Variants in DLGAP2 observed in about 807,000 individuals in gnomAD.
DLGAP2 encodes disks large-associated protein 2.
DLGAP2 carries 26 observed loss-of-function variants against 100.3 expected under a neutral mutation model. The observed-to-expected ratio is 0.26, with a 90% CI of 0.19 to 0.36. The LOEUF (loss-of-function observed/expected upper bound fraction) is 0.36, where lower values mean the gene tolerates loss of function less well. Among genes scored for constraint, DLGAP2 ranks in the 10% least tolerant of loss-of-function variants. The pLI, the probability that DLGAP2 is intolerant of heterozygous loss-of-function variation, is 1.00. For synonymous variants in DLGAP2, 886 were observed against 630.1 expected (o/e 1.41, Z -6.08); for missense variants, 1,858 against 1,453.2 (o/e 1.28, Z -4.53).
At chr8:1,508,786 G>A (rs1463438810) in intron 4 of DLGAP2, among the ~76,000 whole-genome samples, 2 of 151,674 alleles carry the variant, frequency 1.3e-5, no homozygotes, top group South Asian at 4.2e-4. Context: ...GCAGGCAAAT[G>A]AGTGCGGACT....
intron 2 of DLGAP2, among the ~76,000 whole-genome samples, chr8:1,218,277 A>G (rs1181588760): frequency 6.6e-6 from 1 of 152,172 alleles, no homozygotes; most frequent in Non-Finnish European, 1.5e-5. Context: ...TGGTAAAAGG[A>G]AGTGGCCCAG....
chr8:957,222 C>T (rs1352617224), intron 2 of DLGAP2, among the ~76,000 whole-genome samples: 3 of 152,330 alleles, frequency 2.0e-5, no homozygotes, highest in African/African-American at 7.2e-5. Context: ...CCTTTGAAGG[C>T]AGGGTCAGTG....
chr8:1,635,934 C>T (rs1308221302), intron 8 of DLGAP2, among the ~76,000 whole-genome samples: 1 of 152,168 alleles, frequency 6.6e-6, no homozygotes, highest in Non-Finnish European at 1.5e-5. Flanking sequence ...CTGAGACAGA[C>T]CCTTTTAATC....
At chr8:1,663,676 T>C (rs1191241994) in intron 8 of DLGAP2, among the ~76,000 whole-genome samples, 1 of 152,170 alleles carries the variant, frequency 6.6e-6, no homozygotes, top group Non-Finnish European at 1.5e-5. Context: ...AGGTTTGGTC[T>C]GACAGCTGTG....
At chr8:1,215,066 C>T (rs558024084) in intron 2 of DLGAP2, among the ~76,000 whole-genome samples, 37 of 152,158 alleles carry the variant, frequency 2.4e-4, no homozygotes, top group Non-Finnish European at 4.6e-4. Flanking sequence ...GGAAAATCAA[C>T]GTCATCCATG....
rs117617939 is a variant in DLGAP2, at chr8:1,424,121, G to C, written c.107-77245G>C. On this transcript the variant is annotated intron_variant, in intron 3 of 14. Transcript: ENST00000637795. Reference sequence around the variant, plus strand: ...CATGAAGGTCCTTGTGAACTAAAGCGGGCTCCACATGGGTGAAGGAACACA... The same window carrying C: ...CATGAAGGTCCTTGTGAACTAAAGCCGGCTCCACATGGGTGAAGGAACACA... Among the ~76,000 whole-genome samples the C allele has an allele frequency of 1.0e-3, 159 of 152,330 alleles. 1 individual carries two copies. In the East Asian group the frequency reaches 0.016, roughly 16 times the overall value.
Position 841,778 on chromosome 8 carries a change from G to A in DLGAP2, c.19-66134G>A, listed in dbSNP as rs531484562. Among the ~76,000 whole-genome samples, 10 of 152,256 alleles carry A rather than the reference G, an allele frequency of 6.6e-5. No individual in the cohort carries two copies. In the South Asian group the frequency reaches 2.1e-3, roughly 32 times the overall value. The stretch of plus-strand genomic sequence containing the variant: ...AGTTTTTGAAGACTAACCGTCACAT[G>A]AATTAATACTGATACTTCCAATTTG... On this transcript the variant is annotated intron_variant, in intron 1 of 14. Transcript: ENST00000637795.
At chr8:1,661,195 G>A (rs890497387) in intron 8 of DLGAP2, among the ~76,000 whole-genome samples, 4 of 152,196 alleles carry the variant, frequency 2.6e-5, no homozygotes, top group South Asian at 4.1e-4. Flanking sequence ...GGAGCCCCAG[G>A]AGAGCTCTCA....
At chr8:771,678 C>T (rs115857757) in intron 1 of DLGAP2, among the ~76,000 whole-genome samples, 6 of 152,360 alleles carry the variant, frequency 3.9e-5, no homozygotes, top group Admixed American at 2.6e-4. Flanking sequence ...TTGAACACGA[C>T]GTGGCCTCTG....
intron 2 of DLGAP2, among the ~76,000 whole-genome samples, chr8:1,177,076 A>G (rs1042184915): frequency 4.6e-5 from 7 of 152,214 alleles, no homozygotes; most frequent in Non-Finnish European, 8.8e-5. Context: ...TTGGCATATT[A>G]TAACAATATA....
chr8:929,760 T>A lies in DLGAP2; in HGVS notation c.73+21794T>A, dbSNP rs982306074. On this transcript the variant is annotated intron_variant, in intron 2 of 14. Transcript: ENST00000637795. ...TTTGGTTGAGAGTTCCCGGCAACAA[T>A]GAGGGCTGCAGTCTAATTATACTTA... Among the ~76,000 whole-genome samples the A allele has an allele frequency of 2.7e-5, 4 of 145,652 alleles. No homozygotes were observed. The South Asian group carries it at 9.0e-4, about 33-fold the overall frequency.
intron 2 of DLGAP2, among the ~76,000 whole-genome samples, chr8:1,228,525 C>A (rs535207843): frequency 2.0e-5 from 3 of 152,278 alleles, no homozygotes; most frequent in African/African-American, 7.2e-5. Context: ...ACCAGTGCCT[C>A]TTATGAATAT....
intron 2 of DLGAP2, among the ~76,000 whole-genome samples, chr8:1,231,386 G>T (rs772298439): frequency 1.3e-5 from 2 of 152,200 alleles, no homozygotes; most frequent in Admixed American, 6.5e-5. Context: ...TATCCTGTTT[G>T]TGGGAATGTA....
intron 2 of DLGAP2, chr8:1,137,815 C>G (rs1796449318): frequency 6.6e-6 from 1 of 152,146 alleles, no homozygotes; most frequent in African/African-American, 2.4e-5. Context: ...TCTTTTAAGA[C>G]AGAGTCTAAC....
chr8:783,047 A>G (rs1484754115), intron 1 of DLGAP2, among the ~76,000 whole-genome samples: 3 of 152,246 alleles, frequency 2.0e-5, no homozygotes, highest in East Asian at 1.9e-4. Context: ...AGCTGATGCA[A>G]TTGACTAAAG....
intron 3 of DLGAP2, among the ~76,000 whole-genome samples, chr8:1,427,109 A>G (rs1439934340): frequency 6.6e-6 from 1 of 152,228 alleles, no homozygotes; most frequent in Non-Finnish European, 1.5e-5. Context: ...GAAACACTAC[A>G]TAGGTTAAAA....
intron 1 of DLGAP2, among the ~76,000 whole-genome samples, chr8:770,829 G>T (rs1236283909): frequency 2.0e-5 from 3 of 151,784 alleles, no homozygotes; most frequent in African/African-American, 7.3e-5. Context: ...AGACATGAAT[G>T]ACATTTAACT....
chr8:1,333,055 A>T (rs937293198), intron 3 of DLGAP2, among the ~76,000 whole-genome samples: 1 of 152,128 alleles, frequency 6.6e-6, no homozygotes, highest in African/African-American at 2.4e-5. Context: ...GAGGTGTTGA[A>T]AGCGATGGTG....
intron 2 of DLGAP2, among the ~76,000 whole-genome samples, chr8:994,154 C>T (rs935335190): frequency 1.1e-4 from 16 of 152,002 alleles, no homozygotes; most frequent in Admixed American, 2.6e-4. Flanking sequence ...GGGAGTTTTG[C>T]GAAGTAGATA....
Sources: gnomAD v4.1 joint callset for allele counts (sites outside exome capture counted in the v4.1 genomes callset) on GRCh38, gnomAD v4.1.1 for gene constraint, MANE v1.5 for transcripts, NCBI Gene and HGNC (gene_info 2026-07-23, HGNC 2026-07-21) for gene names.